CDIP1: variants seen among roughly 807,000 people sequenced by gnomAD.
CDIP1 encodes cell death inducing p53 target 1.
A neutral mutation model predicts 17.7 loss-of-function variants in CDIP1; 9 were observed. The observed-to-expected ratio is 0.51, with a 90% CI of 0.31 to 0.89. CDIP1 has a LOEUF of 0.89. Among genes scored for constraint, CDIP1 ranks in the 40% least tolerant of loss-of-function variants. The pLI, the probability that CDIP1 is intolerant of heterozygous loss-of-function variation, is 0.05. For missense variants in CDIP1, 263 were observed against 277.9 expected, an observed-to-expected ratio of 0.95 and a Z score of 0.38; for synonymous variants, 117 against 109.5, an observed-to-expected ratio of 1.07 and a Z score of -0.43.
At chr16:4,531,935 G>A (rs1054234878) in intron 1 of CDIP1, among the ~76,000 whole-genome samples, 2 of 152,358 alleles carry the variant, frequency 1.3e-5, no homozygotes, top group African/African-American at 2.4e-5. Flanking sequence ...CTTTCCCTGG[G>A]GAGGGAAATG....
Position 4,511,489 on chromosome 16 carries a change from A to T in CDIP1, c.*1083T>A, listed in dbSNP as rs1212833072. 6.6e-6 allele frequency: 1 copy of T among 152,564 alleles called. No individual in the cohort carries two copies. Among genetic ancestry groups the T allele is most frequent in the Non-Finnish European group, 1.5e-5 (1 of 68,126 alleles). 9.5% of individuals were successfully genotyped at this position (152,564 alleles called of 1,614,324 possible). A position where few individuals can be genotyped will look rare whatever the true frequency, so the allele number is the denominator to read the frequency against. ...CACAAACCATTCAGGAAATAAAGAC[A>T]GGGCGAGGCTGGTGTCCACCAAGGC... On this transcript the variant is annotated 3_prime_UTR_variant, in exon 6 of 6. Transcript: ENST00000567695.
At chr16:4,531,973 C>G (rs2059060774) in intron 1 of CDIP1, among the ~76,000 whole-genome samples, 1 of 152,262 alleles carries the variant, frequency 6.6e-6, no homozygotes, top group Non-Finnish European at 1.5e-5. Context: ...TTTCCTCAGG[C>G]CCCGCTGGGC....
At chr16:4,534,688 TG>T (rs2059088933) in intron 1 of CDIP1, among the ~76,000 whole-genome samples, 2 of 146,506 alleles carry the variant, frequency 1.4e-5, no homozygotes. Context: ...GCTGTTTGCA[TG>T]GTTTTTTTTT....
chr16:4,520,901 A>G (rs1171501437), intron 1 of CDIP1, among the ~76,000 whole-genome samples: 1 of 152,192 alleles, frequency 6.6e-6, no homozygotes, highest in African/African-American at 2.4e-5. Flanking sequence ...GAGTCCATGA[A>G]AAAGGCAGCT....
chr16:4,536,457 G>A (rs2059106871), intron 1 of CDIP1: 2 of 152,324 alleles, frequency 1.3e-5, no homozygotes, highest in Admixed American at 6.5e-5. Context: ...AGAGCCGACA[G>A]GGAGTTGCAA....
At chr16:4,521,051 A>G (rs1011205465) in intron 1 of CDIP1, among the ~76,000 whole-genome samples, 1 of 151,978 alleles carries the variant, frequency 6.6e-6, no homozygotes, top group Non-Finnish European at 1.5e-5. Context: ...AGGACTTAAT[A>G]AAGTTGATTT....
At chr16:4,517,101 CTT>C (rs747705959) in intron 1 of CDIP1, among the ~76,000 whole-genome samples, 30 of 152,208 alleles carry the variant, frequency 2.0e-4, no homozygotes, top group Non-Finnish European at 3.2e-4. Context: ...CGCTCTTTCC[CTT>C]TTGTTAGATT....
intron 1 of CDIP1, among the ~76,000 whole-genome samples, chr16:4,535,962 T>A (rs769553800): frequency 6.6e-6 from 1 of 152,206 alleles, no homozygotes; most frequent in East Asian, 1.9e-4. Flanking sequence ...GAGTAATCTA[T>A]TTCCAAGTCC....
chr16:4,534,182 C>T (rs910343844), intron 1 of CDIP1, among the ~76,000 whole-genome samples: 1 of 151,036 alleles, frequency 6.6e-6, no homozygotes, highest in Non-Finnish European at 1.5e-5. Flanking sequence ...AACTCCTGAC[C>T]TCAAATGATC....
intron 1 of CDIP1, among the ~76,000 whole-genome samples, chr16:4,530,448 G>A (rs1041950255): frequency 4.6e-5 from 7 of 151,844 alleles, no homozygotes; most frequent in South Asian, 2.1e-4. Context: ...TCGGGAGTTC[G>A]AAACCAGCCC....
At position 4,512,626 on chromosome 16, in the gene CDIP1, C is replaced by T. The variant is rs919660576; in HGVS notation, c.573G>A (p.Thr191=). The T allele has an allele frequency of 5.6e-6, 9 of 1,613,934 alleles. No individual in the cohort carries two copies. Among genetic ancestry groups the T allele is most frequent in the Admixed American group, 1.7e-5 (1 of 60,002 alleles). ...PCLINDFKDV[T]HTCPSCKAYI... is the part of the protein sequence containing the mutation. ...AGGCTTTGCAGCTGGGGCATGTGTG[C>T]GTCACATCCTTGAAGTCATTGATGA... The change falls in exon 6 of 6, where the codon ACG becomes ACA. Residue 191 remains threonine, a synonymous_variant. Coordinates refer to ENST00000567695, the MANE Select transcript of CDIP1 (RefSeq NM_013399.3). This position sits in a 1 kb window ranked among gnomAD's most constrained non-coding sequence, Gnocchi z 4.6.
chr16:4,512,739 AG>A lies in CDIP1; in HGVS notation c.515+51del. The A allele has an allele frequency of 6.2e-7, 1 of 1,604,938 alleles. No homozygotes were observed. ...GGCCTGCTGCGGAGGAGGCAGAGGC[AG>A]CCAGTTGACCCTGGTGCAGCCCCCA... is the stretch of plus-strand genomic sequence containing the variant. On this transcript the variant is annotated intron_variant, in intron 5 of 5. Coordinates refer to ENST00000567695, the MANE Select transcript of CDIP1 (RefSeq NM_013399.3). The surrounding 1 kb of genome is among the most constrained non-coding windows in gnomAD (Gnocchi z 4.6).
chr16:4,532,012 A>G (rs1291440387), intron 1 of CDIP1, among the ~76,000 whole-genome samples: 1 of 152,242 alleles, frequency 6.6e-6, no homozygotes, highest in Non-Finnish European at 1.5e-5. Context: ...CTCTGAGCTA[A>G]TAGGCAATTC....
At chr16:4,538,484 G>GTA (rs2059134775) in intron 1 of CDIP1, 1 of 129,000 alleles carries the variant, frequency 7.8e-6, no homozygotes, top group Non-Finnish European at 1.6e-5. Flanking sequence ...TCTAGGACTT[G>GTA]TAGTCCGCCC....
rs746403718 is a variant in CDIP1, at chr16:4,512,514, G to A, written c.*58C>T. The A allele has an allele frequency of 1.5e-6, 2 of 1,290,382 alleles. No individual in the cohort carries two copies. Among genetic ancestry groups the A allele is most frequent in the Non-Finnish European group, 2.3e-6 (2 of 886,826 alleles). The allele number at this position is 1,290,382 out of a possible 1,614,324, so 79.9% of individuals were successfully genotyped here. A position where few individuals can be genotyped will look rare whatever the true frequency, so the allele number is the denominator to read the frequency against. Reference sequence around the variant, plus strand: ...AGCGGGAAAGTGACCACTGAGCACAGGGAGCAAAGCACAGGGGGCCAGACT... The same window carrying A: ...AGCGGGAAAGTGACCACTGAGCACAAGGAGCAAAGCACAGGGGGCCAGACT... On this transcript the variant is annotated 3_prime_UTR_variant, in exon 6 of 6. Transcript: ENST00000567695. This position sits in a 1 kb window ranked among gnomAD's most constrained non-coding sequence, Gnocchi z 4.6.
chr16:4,537,884 C>T (rs1393139191), intron 1 of CDIP1, among the ~76,000 whole-genome samples: 1 of 152,234 alleles, frequency 6.6e-6, no homozygotes, highest in Non-Finnish European at 1.5e-5. Flanking sequence ...CAAGCTAGGC[C>T]AGGCCGTCGC....
chr16:4,529,505 C>G (rs1468975905), intron 1 of CDIP1, among the ~76,000 whole-genome samples: 1 of 152,144 alleles, frequency 6.6e-6, no homozygotes, highest in Non-Finnish European at 1.5e-5. Flanking sequence ...GAAGGAAGCA[C>G]AGACAGGAGG....
intron 1 of CDIP1, among the ~76,000 whole-genome samples, chr16:4,530,552 G>A (rs1299858947): frequency 6.6e-6 from 1 of 152,104 alleles, no homozygotes; most frequent in Admixed American, 6.6e-5. Context: ...GGGAGGCTGA[G>A]GCAGGAGAAT....
intron 1 of CDIP1, chr16:4,522,516 C>T (rs1456397973): frequency 6.6e-6 from 1 of 152,296 alleles, no homozygotes; most frequent in Non-Finnish European, 1.5e-5. Context: ...ACAGGGCTTT[C>T]TGCTTTGCTG....
Sources: gnomAD v4.1 joint callset for allele counts (sites outside exome capture counted in the v4.1 genomes callset) on GRCh38, gnomAD v4.1.1 for gene constraint, Gnocchi (gnomAD v3.1) non-coding constraint, MANE v1.5 for transcripts, NCBI Gene and HGNC (gene_info 2026-07-23, HGNC 2026-07-21) for gene names.